Variants in FHIT observed in about 807,000 individuals in gnomAD.
FHIT encodes the protein bis(5'-adenosyl)-triphosphatase.
FHIT carries 19 observed loss-of-function variants against 17.9 expected under a neutral mutation model. The ratio of observed to expected loss-of-function variants is 1.06; its 90% CI spans 0.74 to 1.56. The LOEUF (loss-of-function observed/expected upper bound fraction) is 1.56, where lower values mean the gene tolerates loss of function less well. Among genes scored for constraint, FHIT ranks in the 40% most tolerant of loss-of-function variants. The probability of loss-of-function intolerance (pLI) is 0.00; values close to 1 mark genes in which losing one functional copy is unlikely to be tolerated. For missense variants in FHIT, 248 were observed against 189.2 expected (o/e 1.31, Z -1.82); for synonymous variants, 81 against 69.7 (o/e 1.16, Z -0.81).
At chr3:60,466,552 TAC>T (rs1406405580) in intron 5 of FHIT, among the ~76,000 whole-genome samples, 2 of 152,068 alleles carry the variant, frequency 1.3e-5, no homozygotes, top group African/African-American at 2.4e-5. Flanking sequence ...GTTCCTTCTA[TAC>T]ACAGTTTCTG....
rs531573591 is a variant in FHIT, at chr3:60,075,131, A to G, written c.104-60979T>C. On this transcript the variant is annotated intron_variant, in intron 5 of 9. Transcript: ENST00000492590. Reference sequence around the variant, plus strand: ...TTCCTATGACCAGAAACTGCTCAACATATATGCGTCACACACAGGAAATAA... The same window carrying G: ...TTCCTATGACCAGAAACTGCTCAACGTATATGCGTCACACACAGGAAATAA... Among the ~76,000 whole-genome samples the G allele has an allele frequency of 4.5e-4, 68 of 152,264 alleles. 1 individual carries two copies. Among genetic ancestry groups the G allele is most frequent in the Non-Finnish European group, 4.4e-5 (3 of 68,004 alleles).
At chr3:61,144,015 A>T (rs1475821399) in intron 2 of FHIT, among the ~76,000 whole-genome samples, 1 of 152,182 alleles carries the variant, frequency 6.6e-6, no homozygotes, top group Non-Finnish European at 1.5e-5. Flanking sequence ...TTACTATTCT[A>T]TTGCCAATGT....
At chr3:60,246,458 G>T (rs908443345) in intron 5 of FHIT, among the ~76,000 whole-genome samples, 22 of 152,054 alleles carry the variant, frequency 1.4e-4, no homozygotes, top group African/African-American at 5.1e-4. Context: ...ATGTCCCGTG[G>T]ATTTTATTTG....
intron 8 of FHIT, among the ~76,000 whole-genome samples, chr3:59,832,473 C>A (rs1249446216): frequency 6.6e-6 from 1 of 152,058 alleles, no homozygotes; most frequent in Non-Finnish European, 1.5e-5. Context: ...TTTCTTTGCC[C>A]AAAGGACTAT....
chr3:59,925,040 CTTCT>C (rs1436328592), intron 7 of FHIT, among the ~76,000 whole-genome samples: 2 of 151,128 alleles, frequency 1.3e-5, no homozygotes, highest in African/African-American at 2.4e-5. Context: ...TCCTTCTTTC[CTTCT>C]ATCTTTTCTC....
intron 4 of FHIT, among the ~76,000 whole-genome samples, chr3:60,620,443 G>A (rs1559589160): frequency 6.6e-6 from 1 of 152,080 alleles, no homozygotes; most frequent in Admixed American, 6.5e-5. Context: ...GGTATACGCA[G>A]ACCATTATTC....
chr3:60,834,908 G>A (rs1036292394), intron 3 of FHIT, among the ~76,000 whole-genome samples: 2 of 150,388 alleles, frequency 1.3e-5, no homozygotes, highest in Non-Finnish European at 3.0e-5. Flanking sequence ...ACTCTTTCAC[G>A]GTGCAAAAGC....
At chr3:61,154,880 C>A (rs1311309096) in intron 2 of FHIT, among the ~76,000 whole-genome samples, 9 of 152,180 alleles carry the variant, frequency 5.9e-5, no homozygotes, top group Admixed American at 5.9e-4. Flanking sequence ...CTCAGATGCG[C>A]TCCAATTCAA....
intron 5 of FHIT, among the ~76,000 whole-genome samples, chr3:60,228,911 T>G (rs545742151): frequency 7.2e-5 from 11 of 152,268 alleles, no homozygotes; most frequent in African/African-American, 2.4e-4. Context: ...ACATTACTGA[T>G]TTTAGAGATG....
intron 3 of FHIT, among the ~76,000 whole-genome samples, chr3:61,027,545 C>G (rs956957636): frequency 3.3e-5 from 5 of 152,186 alleles, no homozygotes; most frequent in African/African-American, 1.2e-4. Flanking sequence ...GCAAATGCCA[C>G]AAATCAAGAC....
chr3:61,032,385 G>A (rs754274576), intron 3 of FHIT, among the ~76,000 whole-genome samples: 1 of 152,132 alleles, frequency 6.6e-6, no homozygotes, highest in Non-Finnish European at 1.5e-5. Flanking sequence ...ACTACCAGAA[G>A]GTGAATCTTC....
At chr3:60,161,258 C>A (rs1381532219) in intron 5 of FHIT, among the ~76,000 whole-genome samples, 1 of 152,172 alleles carries the variant, frequency 6.6e-6, no homozygotes, top group Non-Finnish European at 1.5e-5. Flanking sequence ...AAGCCTGTGG[C>A]AGTTGAAACA....
chr3:60,757,639 A>G (rs1699488083), intron 4 of FHIT, among the ~76,000 whole-genome samples: 1 of 152,184 alleles, frequency 6.6e-6, no homozygotes, highest in African/African-American at 2.4e-5. Flanking sequence ...TGCAGTGACC[A>G]GGGTGGACAT....
intron 4 of FHIT, among the ~76,000 whole-genome samples, chr3:60,785,486 T>G (rs1700535495): frequency 1.3e-5 from 2 of 152,182 alleles, no homozygotes; most frequent in South Asian, 4.1e-4. Flanking sequence ...TGTACTGATA[T>G]TAGCCATGGA....
At chr3:61,016,650 AG>A (rs1417203305) in intron 3 of FHIT, among the ~76,000 whole-genome samples, 1 of 152,346 alleles carries the variant, frequency 6.6e-6, no homozygotes, top group Non-Finnish European at 1.5e-5. Flanking sequence ...GTAGCATAAG[AG>A]TTCACAAGAA....
intron 5 of FHIT, among the ~76,000 whole-genome samples, chr3:60,081,610 C>A (rs184917489): frequency 6.6e-6 from 1 of 152,116 alleles, no homozygotes; most frequent in Admixed American, 6.6e-5. Flanking sequence ...ACCAGGAAAT[C>A]CAAAACTATA....
At chr3:61,127,987 A>G (rs1420750688) in intron 2 of FHIT, among the ~76,000 whole-genome samples, 1 of 152,250 alleles carries the variant, frequency 6.6e-6, no homozygotes, top group Non-Finnish European at 1.5e-5. Context: ...TTAAAACGAA[A>G]GTATTAAACG....
intron 8 of FHIT, among the ~76,000 whole-genome samples, chr3:59,793,943 G>A (rs1457837817): frequency 1.3e-5 from 2 of 152,102 alleles, no homozygotes; most frequent in Non-Finnish European, 1.5e-5. Flanking sequence ...AAGTGACAAA[G>A]GTACAGTATT....
chr3:59,933,355 A>T (rs1183966221), intron 7 of FHIT, among the ~76,000 whole-genome samples: 1 of 152,192 alleles, frequency 6.6e-6, no homozygotes, highest in Non-Finnish European at 1.5e-5. Flanking sequence ...TTTTTAAGTC[A>T]TTATCAGTTA....
Sources: allele counts gnomAD v4.1 joint callset (sites outside exome capture counted in the v4.1 genomes callset), GRCh38; gene constraint gnomAD v4.1.1; transcripts MANE v1.5; gene names NCBI Gene and HGNC (gene_info 2026-07-23, HGNC 2026-07-21).